ULK4: variants seen among roughly 807,000 people sequenced by gnomAD.
ULK4 encodes the protein unc-51 like kinase 4.
ULK4 carries 133 observed loss-of-function variants against 160.6 expected under a neutral mutation model. That is an observed-to-expected ratio of 0.83 (90% confidence interval 0.72 to 0.96). The LOEUF (loss-of-function observed/expected upper bound fraction) is 0.96, where lower values mean the gene tolerates loss of function less well. Among genes scored for constraint, ULK4 ranks in the 40% least tolerant of loss-of-function variants. The pLI, the probability that ULK4 is intolerant of heterozygous loss-of-function variation, is 0.00. For missense variants in ULK4, 1,580 were observed against 1,499.5 expected (o/e 1.05, Z -0.89); for synonymous variants, 534 against 539.8 (o/e 0.99, Z 0.15).
chr3:41,394,751 C>T (rs1254967355), intron 35 of ULK4, among the ~76,000 whole-genome samples: 1 of 152,070 alleles, frequency 6.6e-6, no homozygotes, highest in Non-Finnish European at 1.5e-5. Flanking sequence ...AAGTTCAAGA[C>T]CACAACTGAG....
chr3:41,932,066 G>T, intron 4 of ULK4, 60 bp from the exon 5 acceptor site: 1 of 1,472,958 alleles, frequency 6.8e-7, no homozygotes. Context: ...ACATATATCA[G>T]TACCTCTTAT....
chr3:41,630,985 T>G (rs1011776137), intron 30 of ULK4, among the ~76,000 whole-genome samples: 1 of 152,220 alleles, frequency 6.6e-6, no homozygotes, highest in Admixed American at 6.5e-5. Flanking sequence ...ACAGTCATTT[T>G]AAATTGAAAA....
chr3:41,517,320 A>G (rs2085784869), intron 32 of ULK4, among the ~76,000 whole-genome samples: 1 of 152,230 alleles, frequency 6.6e-6, no homozygotes, highest in South Asian at 2.1e-4. Flanking sequence ...CCAATATAAT[A>G]GTATTAAAAG....
chr3:41,819,653 G>A (rs1375971389), intron 18 of ULK4, 147 bp from the exon 19 acceptor site: 4 of 636,188 alleles, frequency 6.3e-6, no homozygotes, highest in East Asian at 2.7e-5. Flanking sequence ...TGATGATAAC[G>A]ACTAGATCAA....
intron 31 of ULK4, among the ~76,000 whole-genome samples, chr3:41,585,024 G>A (rs1050326429): frequency 1.3e-5 from 2 of 151,872 alleles, no homozygotes; most frequent in African/African-American, 4.8e-5. Context: ...AAGATACAAA[G>A]AAATGGGAAG....
rs1170571602 is a variant in ULK4 at position 41,856,603 on chromosome 3, G to A, written c.1657-20632C>T. Among the ~76,000 whole-genome samples the A allele has an allele frequency of 3.6e-3, 241 of 66,030 alleles. 4 individuals carry two copies. Among genetic ancestry groups the A allele is most frequent in the African/African-American group, 0.024 (223 of 9,478 alleles). 43.3% of individuals were successfully genotyped at this position (66,030 alleles called of 152,430 possible). A position where few individuals can be genotyped will look rare whatever the true frequency, so the allele number is the denominator to read the frequency against. On this transcript the variant is annotated intron_variant, in intron 17 of 36. Coordinates refer to ENST00000301831, the MANE Select transcript of ULK4 (RefSeq NM_017886.4). Reference sequence around the variant, plus strand: ...TATATATATACACATATATATATATGTGTATATATATACACATATATATAT... The same window carrying A: ...TATATATATACACATATATATATATATGTATATATATACACATATATATAT...
chr3:41,912,672 T>C, intron 9 of ULK4, 135 bp downstream of exon 9: 1 of 705,082 alleles, frequency 1.4e-6, no homozygotes, highest in Admixed American at 3.0e-5. Flanking sequence ...AAGCAACCCT[T>C]AATTAAACAA....
chr3:41,680,493 C>T (rs2035890265), intron 29 of ULK4, among the ~76,000 whole-genome samples: 2 of 151,320 alleles, frequency 1.3e-5, no homozygotes, highest in East Asian at 3.9e-4. Flanking sequence ...CTTCCTCAAC[C>T]AACTGGAGTG....
intron 5 of ULK4, among the ~76,000 whole-genome samples, chr3:41,928,536 C>A (rs368827572): frequency 6.7e-4 from 94 of 141,222 alleles, no homozygotes; most frequent in South Asian, 1.3e-3. Context: ...AAAAACCCTT[C>A]AAAAAAAAAA....
chr3:41,470,031 A>AAC (rs1559626259), intron 32 of ULK4, among the ~76,000 whole-genome samples: 3 of 145,536 alleles, frequency 2.1e-5, no homozygotes, highest in Admixed American at 1.4e-4. Context: ...AAAAAAAAAA[A>AAC]AAAAAAAAAA....
intron 35 of ULK4, among the ~76,000 whole-genome samples, chr3:41,375,487 C>T (rs897325552): frequency 5.3e-5 from 8 of 150,100 alleles, no homozygotes; most frequent in Admixed American, 4.6e-4. Flanking sequence ...GTGTCTACAA[C>T]CATCTGATCT....
chr3:41,826,709 A>G (rs368516377), intron 18 of ULK4, among the ~76,000 whole-genome samples: 40 of 150,210 alleles, frequency 2.7e-4, no homozygotes, highest in African/African-American at 9.0e-4. Flanking sequence ...CAATAATAAT[A>G]GGAGACTTTA....
chr3:41,783,060 G>T (rs1367623404), intron 21 of ULK4, among the ~76,000 whole-genome samples: 1 of 151,386 alleles, frequency 6.6e-6, no homozygotes, highest in Admixed American at 6.6e-5. Flanking sequence ...TAGCATGACA[G>T]CAGAGAAGAG....
intron 17 of ULK4, among the ~76,000 whole-genome samples, chr3:41,868,790 C>T (rs1230661854): frequency 6.6e-6 from 1 of 151,898 alleles, no homozygotes; most frequent in Non-Finnish European, 1.5e-5. Context: ...AGCCACTGGA[C>T]CAGCTAGGTC....
rs192710258 is a variant in ULK4 at position 41,763,240 on chromosome 3, A to T, written c.2194-8752T>A. Among the ~76,000 whole-genome samples the T allele has an allele frequency of 1.0e-3, 155 of 152,312 alleles. 1 individual carries two copies. The highest frequency in any genetic ancestry group is 1.9e-3 in the Non-Finnish European group (131 of 68,020). On this transcript the variant is annotated intron_variant, in intron 21 of 36. Transcript: ENST00000301831. Reference sequence around the variant, plus strand: ...ACCCATAATAAAAGAATAAAAATACACGAATTAAATCTCCAACATAAAAAG... The same window carrying T: ...ACCCATAATAAAAGAATAAAAATACTCGAATTAAATCTCCAACATAAAAAG...
intron 16 of ULK4, among the ~76,000 whole-genome samples, chr3:41,889,851 A>G (rs1697854255): frequency 6.6e-6 from 1 of 152,232 alleles, no homozygotes; most frequent in South Asian, 2.1e-4. Context: ...CCAAATGTGG[A>G]AACAACCCCA....
intron 20 of ULK4, among the ~76,000 whole-genome samples, chr3:41,792,010 A>G (rs1270233006): frequency 6.6e-6 from 1 of 152,154 alleles, no homozygotes; most frequent in Non-Finnish European, 1.5e-5. Flanking sequence ...TACTTTGGGC[A>G]TTTTTCAAAT....
chr3:41,709,654 G>C (rs1388705715), intron 25 of ULK4, among the ~76,000 whole-genome samples: 1 of 152,204 alleles, frequency 6.6e-6, no homozygotes, highest in East Asian at 1.9e-4. Context: ...CAAAGTGCTG[G>C]AATTACAGGC....
chr3:41,639,660 G>A (rs1472289821), intron 30 of ULK4, among the ~76,000 whole-genome samples: 2 of 152,082 alleles, frequency 1.3e-5, no homozygotes, highest in Non-Finnish European at 2.9e-5. Flanking sequence ...CCTGGGAGGC[G>A]GAGGTTGCAG....
Sources: gnomAD v4.1 joint callset for allele counts (sites outside exome capture counted in the v4.1 genomes callset) on GRCh38, gnomAD v4.1.1 for gene constraint, MANE v1.5 for transcripts, NCBI Gene and HGNC (gene_info 2026-07-23, HGNC 2026-07-21) for gene names.